LRP1: variants seen among roughly 807,000 people sequenced by gnomAD.
LRP1 encodes LDL receptor related protein 1, also known as prolow-density lipoprotein receptor-related protein 1.
LRP1 carries 51 observed loss-of-function variants against 541.5 expected under a neutral mutation model. The ratio of observed to expected loss-of-function variants is 0.09; its 90% CI spans 0.08 to 0.12. LRP1 has a LOEUF of 0.12. LRP1 is among the 10% of genes least tolerant of loss of function. The pLI is 1.00. For synonymous variants in LRP1, 2,219 were observed against 2,470.8 expected (o/e 0.90, Z 3.02); for missense variants, 3,878 against 6,376.2 (o/e 0.61, Z 13.34).
At position 57,210,827 on chromosome 12, in the gene LRP1, C is replaced by T; in HGVS notation, c.12864C>T (p.Asn4288=). Reference sequence around the variant, plus strand: ...GCACCTGCACTGTCAACCAGGGCAACCAGCCCCAGTGCCGATGCCTACCCG... The same window carrying T: ...GCACCTGCACTGTCAACCAGGGCAATCAGCCCCAGTGCCGATGCCTACCCG... The part of the protein sequence containing the change: ...NNSTCTVNQG[N]QPQCRCLPGF... Residue 4288 remains asparagine (N), a synonymous_variant, in exon 83 of 89, where the codon AAC becomes AAT. Coordinates refer to ENST00000243077, the MANE Select transcript of LRP1 (RefSeq NM_002332.3). The T allele has an allele frequency of 6.2e-7, 1 of 1,613,382 alleles. No homozygotes were observed. The highest frequency in any genetic ancestry group is 2.2e-5 in the East Asian group (1 of 44,856).
At position 57,178,721 on chromosome 12, in the gene LRP1, C is replaced by A; in HGVS notation, c.4606+118C>A. 1 of 1,536,882 alleles carries A rather than the reference C, an allele frequency of 6.5e-7. No individual in the cohort carries two copies. The highest frequency in any genetic ancestry group is 8.8e-7 in the Non-Finnish European group (1 of 1,133,094). ...CAGGAGCAAGTCTGTGCTGGGATGG[C>A]AGGGGTAGGCCGGCTGTTGACAGAG... On this transcript the variant is annotated intron_variant, in intron 27 of 88. Transcript: ENST00000243077. The surrounding 1 kb of genome is among the most constrained non-coding windows in gnomAD (Gnocchi z 5.8).
chr12:57,185,618 A>G lies in LRP1; in HGVS notation c.6551A>G (p.His2184Arg). The G allele has an allele frequency of 2.5e-6, 4 of 1,610,960 alleles. No homozygotes were observed. Among genetic ancestry groups the G allele is most frequent in the Non-Finnish European group, 3.4e-6 (4 of 1,179,846 alleles). The part of the protein sequence containing the change: ...GRGQRACACA[H>R]GMLAEDGASC... ...GGGCAGCGGGCCTGCGCCTGTGCCCACGGGATGCTGGCTGAAGACGGAGCA... is the reference window on the plus strand; with the variant it reads ...GGGCAGCGGGCCTGCGCCTGTGCCCGCGGGATGCTGGCTGAAGACGGAGCA... Residue 2184 changes from histidine (H) to arginine (R), a missense_variant, in exon 41 of 89, where the codon CAC becomes CGC. This residue lies in a region of LRP1 where 1,100 missense variants were observed against 1,827.4 expected (regional missense o/e 0.60). Transcript: ENST00000243077. The surrounding 1 kb of genome is among the most constrained non-coding windows in gnomAD (Gnocchi z 4.9).
At chr12:57,190,119 G>A (rs567210364) in intron 42 of LRP1, among the ~76,000 whole-genome samples, 96 of 152,232 alleles carry the variant, frequency 6.3e-4, no homozygotes, top group African/African-American at 2.1e-3. Flanking sequence ...GAGGCAGAAC[G>A]GTGGCTCCAA....
At chr12:57,203,542 T>A in intron 70 of LRP1, 21 bp downstream of exon 70, 1 of 1,500,286 alleles carries the variant, frequency 6.7e-7, no homozygotes. Flanking sequence ...TGGCTTGGTC[T>A]CCCTGGGTCC....
Position 57,201,119 on chromosome 12 carries a change from C to A in LRP1, c.10311C>A (p.Asp3437Glu), listed in dbSNP as rs769978581. The stretch of plus-strand genomic sequence containing the variant: ...GCATCTTCCGCTGCAATGGGCAGGA[C>A]AACTGCGGAGATGGGGAGGATGAGA... Reference protein sequence around the residue: ...IPGIFRCNGQDNCGDGEDERD... With the variant: ...IPGIFRCNGQENCGDGEDERD... Residue 3437 changes from aspartate (D) to glutamate (E), a missense_variant, in exon 65 of 89, where the codon GAC becomes GAA. By Grantham distance (45) the Asp-to-Glu change is conservative. Around this residue, in one of 13 missense-constraint regions of LRP1, gnomAD observed 278 missense variants for 536.3 expected, o/e 0.52. Transcript: ENST00000243077. This position sits in a 1 kb window ranked among gnomAD's most constrained non-coding sequence, Gnocchi z 6.4. 10 of 1,614,102 alleles carry A rather than the reference C, an allele frequency of 6.2e-6. No homozygotes were observed. Among genetic ancestry groups the A allele is most frequent in the Non-Finnish European group, 7.6e-6 (9 of 1,180,026 alleles).
rs144902096 is a variant in LRP1, at chr12:57,138,565, C to A, written c.174C>A (p.Asp58Glu). 6.2e-7 allele frequency: 1 copy of A among 1,614,016 alleles called. No individual in the cohort carries two copies. The highest frequency in any genetic ancestry group is 1.1e-5 in the South Asian group (1 of 91,074). The change falls in exon 2 of 89, where the codon GAC becomes GAA. Residue 58 changes from aspartate to glutamate, a missense_variant. Asp to Glu is a conservative substitution (Grantham distance 45). Around this residue, in one of 13 missense-constraint regions of LRP1, gnomAD observed 293 missense variants for 403.7 expected, o/e 0.73. Coordinates refer to ENST00000243077, the MANE Select transcript of LRP1 (RefSeq NM_002332.3). ...AGAGGGACTGCCCAGACGGATCTGA[C>A]GAGGCCCCTGAGATTTGTAAGTACC... ...DGERDCPDGS[D>E]EAPEICPQSK...
intron 43 of LRP1, 62 bp from the exon 44 acceptor site, chr12:57,191,258 C>G: frequency 1.4e-6 from 2 of 1,480,444 alleles, no homozygotes; most frequent in Non-Finnish European, 1.8e-6. Context: ...AGGCTGTGGT[C>G]CGGTGGAGAC....
chr12:57,176,999 TC>T, intron 24 of LRP1, 41 bp from the exon 25 acceptor site: 1 of 1,547,724 alleles, frequency 6.5e-7, no homozygotes. Context: ...CATGCACAGC[TC>T]CCCAGGAGAC....
chr12:57,148,904 G>A (rs936445342), intron 6 of LRP1: 23 of 546,676 alleles, frequency 4.2e-5, no homozygotes, highest in South Asian at 2.2e-4. Context: ...GCAAGGTTGC[G>A]AAATGGGTCC....
chr12:57,206,496 A>G lies in LRP1; in HGVS notation c.11614A>G (p.Ile3872Val), dbSNP rs1385332457. ...AGGCTCTGAGTACCAGGTCCTGTAC[A>G]TCGCTGATGACAATGAGATCCGCAG... ...AEGSEYQVLY[I>V]ADDNEIRSLF... Residue 3872 changes from isoleucine (I) to valine (V), a missense_variant, in exon 76 of 89, where the codon ATC (isoleucine) becomes GTC (valine). By Grantham distance (29) the Ile-to-Val change is conservative (BLOSUM62 3). This residue lies in a region of LRP1 where 871 missense variants were observed against 1,212.4 expected (regional missense o/e 0.72). Coordinates refer to ENST00000243077, the MANE Select transcript of LRP1 (RefSeq NM_002332.3). This position sits in a 1 kb window ranked among gnomAD's most constrained non-coding sequence, Gnocchi z 4.7. The G allele has an allele frequency of 3.1e-6, 5 of 1,614,012 alleles. No homozygotes were observed. Among genetic ancestry groups the G allele is most frequent in the African/African-American group, 2.7e-5 (2 of 74,936 alleles).
intron 1 of LRP1, among the ~76,000 whole-genome samples, chr12:57,137,648 T>C (rs73342505): frequency 1.3e-3 from 201 of 152,032 alleles, no homozygotes; most frequent in African/African-American, 4.8e-3. Flanking sequence ...ATACAAAAAC[T>C]AGCTGGACAT....
chr12:57,144,958 C>T lies in LRP1; in HGVS notation c.449-14C>T, dbSNP rs1297681205. 1.2e-6 allele frequency: 2 copies of T among 1,612,698 alleles called. No individual in the cohort carries two copies. Among genetic ancestry groups the T allele is most frequent in the South Asian group, 1.1e-5 (1 of 91,066 alleles). On this transcript the variant is annotated splice_polypyrimidine_tract_variant and intron_variant, in intron 4 of 88. Coordinates refer to ENST00000243077, the MANE Select transcript of LRP1 (RefSeq NM_002332.3). ...ACACTGGAAATGACCACATTCTTGCCCTTTCCTCGGCAGATTTTGATGAGT... is the reference window on the plus strand; with the variant it reads ...ACACTGGAAATGACCACATTCTTGCTCTTTCCTCGGCAGATTTTGATGAGT...
rs776544868 is a variant in LRP1 at position 57,211,991 on chromosome 12, A to G, written c.13323A>G (p.Val4441=). The G allele has an allele frequency of 6.2e-7, 1 of 1,614,066 alleles. No individual in the cohort carries two copies. The highest frequency in any genetic ancestry group is 1.7e-5 in the Admixed American group (1 of 60,004). The change falls in exon 87 of 89, where the codon GTA becomes GTG. Residue 4441 remains valine, a synonymous_variant. Transcript: ENST00000243077. This position sits in a 1 kb window ranked among gnomAD's most constrained non-coding sequence, Gnocchi z 4.3. ...LLLLVLVAGV[V]FWYKRRVQGA... ...TGCTGGTTCTGGTGGCCGGAGTGGT[A>G]TTCTGGTATAAGCGGCGAGTCCAAG...
At position 57,179,722 on chromosome 12, in the gene LRP1, C is replaced by T. The variant is rs2036123276; in HGVS notation, c.4967-60C>T. On this transcript the variant is annotated intron_variant, in intron 29 of 88. Transcript: ENST00000243077. The surrounding 1 kb of genome is among the most constrained non-coding windows in gnomAD (Gnocchi z 6.8). ...CTTTTCTCCAGAAGGCACACTGGCTCCCCTCCTGACCCACTGCCCTGCAGA... is the reference window on the plus strand; with the variant it reads ...CTTTTCTCCAGAAGGCACACTGGCTTCCCTCCTGACCCACTGCCCTGCAGA... The T allele has an allele frequency of 7.2e-6, 11 of 1,525,364 alleles. No individual in the cohort carries two copies. The highest frequency in any genetic ancestry group is 9.9e-6 in the Non-Finnish European group (11 of 1,109,358). The allele number at this position is 1,525,364 out of a possible 1,614,324, so 94.5% of individuals were successfully genotyped here. A position where few individuals can be genotyped will look rare whatever the true frequency, so the allele number is the denominator to read the frequency against.
chr12:57,131,564 G>A (rs772335624), intron 1 of LRP1, among the ~76,000 whole-genome samples: 3 of 152,176 alleles, frequency 2.0e-5, no homozygotes, highest in Non-Finnish European at 4.4e-5. Flanking sequence ...TGGGGTGTTA[G>A]CTTCCTGGAT....
chr12:57,184,526 A>G lies in LRP1; in HGVS notation c.6186+74A>G, dbSNP rs1592641124. 1.6e-5 allele frequency: 26 copies of G among 1,587,916 alleles called. No homozygotes were observed. The East Asian group carries it at 5.2e-4, about 32-fold the overall frequency. ...GGCTCCTGTTCCCTGTGATGAGCCC[A>G]TTCTGGGAGGACTTGGAGCCCAGGG... On this transcript the variant is annotated intron_variant, in intron 38 of 88. Coordinates refer to ENST00000243077, the MANE Select transcript of LRP1 (RefSeq NM_002332.3). The surrounding 1 kb of genome is among the most constrained non-coding windows in gnomAD (Gnocchi z 7.8).
intron 64 of LRP1, 85 bp from the exon 65 acceptor site, chr12:57,200,949 G>A (rs2036640724): frequency 6.2e-7 from 1 of 1,601,020 alleles, no homozygotes; most frequent in East Asian, 2.2e-5. Flanking sequence ...GCTCAAGCCT[G>A]TGTCCTCCCT....
chr12:57,203,337 AG>A, intron 69 of LRP1, 50 bp downstream of exon 69: 1 of 1,590,504 alleles, frequency 6.3e-7, no homozygotes, highest in Non-Finnish European at 8.6e-7. Flanking sequence ...GAGTTCAGGC[AG>A]GGCTTGGGGA....
chr12:57,207,791 G>C (rs2036816482), intron 76 of LRP1, among the ~76,000 whole-genome samples: 1 of 152,220 alleles, frequency 6.6e-6, no homozygotes, highest in Admixed American at 6.5e-5. Flanking sequence ...TAACCTCTTT[G>C]GGTTTCACTT....
Sources: allele counts gnomAD v4.1 joint callset (sites outside exome capture counted in the v4.1 genomes callset), GRCh38; gene constraint gnomAD v4.1.1; regional missense constraint gnomAD v4.1.1; non-coding constraint Gnocchi (gnomAD v3.1); transcripts MANE v1.5; gene names NCBI Gene and HGNC (gene_info 2026-07-23, HGNC 2026-07-21).